Variants in PSMC6 observed in about 807,000 individuals in gnomAD.
The protein encoded by PSMC6 is proteasome 26S subunit, ATPase 6.
PSMC6 carries 3 observed loss-of-function variants against 55.9 expected under a neutral mutation model. That is an observed-to-expected ratio of 0.05 (90% CI 0.02 to 0.14). PSMC6 has a LOEUF of 0.14. Ranked by LOEUF, PSMC6 falls within the 10% of genes least tolerant of loss-of-function variation. The pLI, the probability that PSMC6 is intolerant of heterozygous loss-of-function variation, is 1.00. For missense variants in PSMC6, 210 were observed against 478.7 expected, an observed-to-expected ratio of 0.44 and a Z score of 5.24; for synonymous variants, 137 against 155.9, an observed-to-expected ratio of 0.88 and a Z score of 0.90.
At chr14:52,717,397 A>C (rs2041841631) in intron 7 of PSMC6, among the ~76,000 whole-genome samples, 1 of 131,790 alleles carries the variant, frequency 7.6e-6, no homozygotes, top group African/African-American at 2.9e-5. Context: ...TGCAGTGGCG[A>C]GATTATAAGC....
intron 6 of PSMC6, among the ~76,000 whole-genome samples, chr14:52,712,169 C>T (rs2041779994): frequency 6.6e-6 from 1 of 152,140 alleles, no homozygotes; most frequent in Admixed American, 6.6e-5. Context: ...GAATGTCTTA[C>T]ACAATCTGAT....
At chr14:52,726,056 C>A (rs940257714) in intron 13 of PSMC6, among the ~76,000 whole-genome samples, 1 of 152,216 alleles carries the variant, frequency 6.6e-6, no homozygotes, top group African/African-American at 2.4e-5. Context: ...TTAACTCCCT[C>A]ATTTTATGTA....
At chr14:52,719,061 T>C (rs2041861147) in intron 10 of PSMC6, 23 bp downstream of exon 10, 1 of 1,563,506 alleles carries the variant, frequency 6.4e-7, no homozygotes, top group Non-Finnish European at 8.8e-7. Flanking sequence ...AAAGGGGGTT[T>C]ATAAAGAAAC....
At chr14:52,727,375 C>A in intron 13 of PSMC6, 124 bp from the exon 14 acceptor site, 1 of 701,860 alleles carries the variant, frequency 1.4e-6, no homozygotes, top group Non-Finnish European at 2.3e-6. Flanking sequence ...CAAATTACAA[C>A]TACTGGCTCA....
chr14:52,724,959 G>A (rs1594855340), intron 13 of PSMC6, among the ~76,000 whole-genome samples: 1 of 152,158 alleles, frequency 6.6e-6, no homozygotes, highest in Non-Finnish European at 1.5e-5. Context: ...TCTCAGTACA[G>A]GTATCTTCAT....
chr14:52,721,218 T>G (rs1476356296), intron 12 of PSMC6, 28 bp downstream of exon 12: 16 of 1,469,596 alleles, frequency 1.1e-5, no homozygotes, highest in East Asian at 2.3e-5. Context: ...TTTATATGTA[T>G]TTACATTTGG....
At chr14:52,723,853 T>A (rs1273399725) in intron 12 of PSMC6, 112 bp from the exon 13 acceptor site, 1 of 1,493,300 alleles carries the variant, frequency 6.7e-7, no homozygotes, top group Non-Finnish European at 8.9e-7. Context: ...ACAGAGCTGA[T>A]GTCTAGCTGA....
At chr14:52,708,979 C>A in intron 4 of PSMC6, 163 bp downstream of exon 4, 2 of 1,023,660 alleles carry the variant, frequency 2.0e-6, no homozygotes, top group Non-Finnish European at 2.7e-6. Flanking sequence ...GAATTCAAAC[C>A]ATGGGCTTTG....
intron 6 of PSMC6, among the ~76,000 whole-genome samples, chr14:52,712,081 T>G (rs1374819809): frequency 1.3e-5 from 2 of 152,234 alleles, no homozygotes; most frequent in African/African-American, 2.4e-5. Context: ...AACTGTTATC[T>G]GTAAAGCAAA....
intron 9 of PSMC6, 157 bp downstream of exon 9, chr14:52,718,509 C>T (rs1347734559): frequency 2.4e-6 from 2 of 830,418 alleles, no homozygotes; most frequent in Non-Finnish European, 3.6e-6. Context: ...CCTTTCATGG[C>T]CGGGTGTGGT....
chr14:52,717,963 G>C (rs1336893130), intron 7 of PSMC6, 118 bp from the exon 8 acceptor site: 2 of 900,200 alleles, frequency 2.2e-6, no homozygotes, highest in Non-Finnish European at 1.8e-6. Context: ...GGGAGGTCAA[G>C]GTTGCAGTGA....
At position 52,713,972 on chromosome 14, in the gene PSMC6, G is replaced by A. The variant is rs763438436; in HGVS notation, c.529+4G>A. ...TGTTTGTTATATGGACCACCAGGTTGGTATTGAATTATTTCTACTCCACCA... is the reference window on the plus strand; with the variant it reads ...TGTTTGTTATATGGACCACCAGGTTAGTATTGAATTATTTCTACTCCACCA... On this transcript the variant is annotated splice_donor_region_variant and intron_variant, in intron 7 of 13. Transcript: ENST00000445930. 1.3e-6 allele frequency: 2 copies of A among 1,504,954 alleles called. No homozygotes were observed. The highest frequency in any genetic ancestry group is 1.8e-6 in the Non-Finnish European group (2 of 1,098,330). The allele number at this position is 1,504,954 out of a possible 1,614,324, so 93.2% of individuals were successfully genotyped here.
intron 4 of PSMC6, chr14:52,709,691 C>T: frequency 2.6e-6 from 1 of 385,324 alleles, no homozygotes; most frequent in Non-Finnish European, 5.0e-6. Context: ...AGTTGAGTAT[C>T]CCTTATCCAA....
chr14:52,722,423 A>G (rs1460656613), intron 12 of PSMC6: 1 of 151,006 alleles, frequency 6.6e-6, no homozygotes, highest in Non-Finnish European at 1.5e-5. Context: ...TAGGAGAAAG[A>G]GAAATTGGCA....
At chr14:52,711,301 T>G in intron 5 of PSMC6, 109 bp from the exon 6 acceptor site, 4 of 1,269,026 alleles carry the variant, frequency 3.2e-6, no homozygotes, top group Non-Finnish European at 4.5e-6. Flanking sequence ...TAAGCACATC[T>G]TTATGAGATC....
intron 1 of PSMC6, 58 bp from the exon 2 acceptor site, chr14:52,708,251 G>C: frequency 7.0e-7 from 1 of 1,428,166 alleles, no homozygotes; most frequent in Non-Finnish European, 9.8e-7. Flanking sequence ...GAGACGTAGC[G>C]ACTTAAACAC....
intron 9 of PSMC6, 163 bp downstream of exon 9, chr14:52,718,515 G>T: frequency 2.6e-6 from 2 of 779,590 alleles, no homozygotes; most frequent in Admixed American, 6.2e-5. Flanking sequence ...ATGGCCGGGT[G>T]TGGTGGCTCA....
At chr14:52,707,463 G>C (rs376274292) in intron 1 of PSMC6, 159 bp downstream of exon 1, 1 of 948,264 alleles carries the variant, frequency 1.1e-6, no homozygotes. Context: ...AGCTTGTGGA[G>C]CAGCACTCCT....
intron 4 of PSMC6, chr14:52,710,019 C>T (rs1469627875): frequency 6.5e-6 from 1 of 153,728 alleles, no homozygotes; most frequent in East Asian, 1.9e-4. Context: ...TTATATTAAT[C>T]CTAGTGTTTT....
Sources: allele counts gnomAD v4.1 joint callset (sites outside exome capture counted in the v4.1 genomes callset), GRCh38; gene constraint gnomAD v4.1.1; transcripts MANE v1.5; gene names NCBI Gene and HGNC (gene_info 2026-07-23, HGNC 2026-07-21).